Variants in AK1 observed in about 807,000 individuals in gnomAD.
The protein encoded by AK1 is adenylate kinase 1, also known as adenylate kinase isoenzyme 1.
Under a neutral mutation model 23.9 loss-of-function variants are expected in AK1, and 13 were observed. The observed-to-expected ratio is 0.54, with a 90% CI of 0.35 to 0.86. AK1 has a LOEUF of 0.86. AK1 is among the 40% of genes least tolerant of loss of function. The pLI is 0.01. For synonymous variants in AK1, 97 were observed against 102.8 expected (o/e 0.94, Z 0.34); for missense variants, 214 against 255.1 (o/e 0.84, Z 1.10).
intron 2 of AK1, chr9:127,873,424 G>A (rs1309497975): frequency 5.8e-6 from 9 of 1,564,708 alleles, no homozygotes; most frequent in Non-Finnish European, 6.9e-6. Flanking sequence ...TCTCTGCGGG[G>A]GTCACTCGAG....
At position 127,868,026 on chromosome 9, in the gene AK1, G is replaced by A. The variant is rs1320107655; in HGVS notation, c.567C>T (p.His189=). ...AGCGTTGCTACTTTAGGGCGTCCAG[G>A]TGGGTGCAGACCTGGGAGAAGACAC... ...VDSVFSQVCT[H]LDALK is the part of the protein sequence containing the mutation. Residue 189 remains histidine (H), a synonymous_variant, in exon 7 of 7, where the codon CAC becomes CAT. Coordinates refer to ENST00000644144, the MANE Select transcript of AK1 (RefSeq NM_000476.3). This position sits in a 1 kb window ranked among gnomAD's most constrained non-coding sequence, Gnocchi z 4.1. The A allele has an allele frequency of 1.2e-6, 2 of 1,614,076 alleles. No homozygotes were observed. The highest frequency in any genetic ancestry group is 1.7e-5 in the Admixed American group (1 of 60,002).
Position 127,871,747 on chromosome 9 carries a change from C to T in AK1, c.324+76G>A, listed in dbSNP as rs1829415057. On this transcript the variant is annotated intron_variant, in intron 5 of 6. Transcript: ENST00000644144. This position sits in a 1 kb window ranked among gnomAD's most constrained non-coding sequence, Gnocchi z 4.4. ...GAACTCTGACCTGCATCACAGCCCC[C>T]GCAGGCCCGCCCATGGGGATGGGAG... 8 of 1,264,050 alleles carry T rather than the reference C, an allele frequency of 6.3e-6. No individual in the cohort carries two copies. Among genetic ancestry groups the T allele is most frequent in the South Asian group, 3.6e-5 (3 of 84,116 alleles). 78.3% of individuals were successfully genotyped at this position (1,264,050 alleles called of 1,614,324 possible).
rs748786472 is a variant in AK1 at position 127,873,382 on chromosome 9, G to A, written c.8-321C>T. 2.9e-5 allele frequency: 46 copies of A among 1,577,586 alleles called. No homozygotes were observed. The highest frequency in any genetic ancestry group is 2.5e-4 in the Admixed American group (14 of 55,176). On this transcript the variant is annotated intron_variant, in intron 2 of 6. Transcript: ENST00000644144. The stretch of plus-strand genomic sequence containing the variant: ...GCCTCCCTGTGGGTGCCTGGACCCC[G>A]GGGCCGGTCACCTCTGGCTCTCAGA...
chr9:127,868,417 G>C lies in AK1; in HGVS notation c.420C>G (p.Asp140Glu). Residue 140 changes from aspartate to glutamate, a missense_variant, in exon 6 of 7, where the codon GAC becomes GAG. Physicochemically the swap from Asp to Glu is conservative, Grantham distance 45. Coordinates refer to ENST00000644144, the MANE Select transcript of AK1 (RefSeq NM_000476.3). This position sits in a 1 kb window ranked among gnomAD's most constrained non-coding sequence, Gnocchi z 4.1. ...LKRGETSGRVDDNEETIKKRL... is the reference protein window; with the variant it reads ...LKRGETSGRVEDNEETIKKRL... Reference sequence around the variant, plus strand: ...GCTTTTTGATGGTCTCCTCATTGTCGTCCACACGCCCGCTGGTCTCTCCAC... The same window carrying C: ...GCTTTTTGATGGTCTCCTCATTGTCCTCCACACGCCCGCTGGTCTCTCCAC... 6.2e-7 allele frequency: 1 copy of C among 1,612,340 alleles called. No homozygotes were observed. The highest frequency in any genetic ancestry group is 8.5e-7 in the Non-Finnish European group (1 of 1,179,362).
intron 2 of AK1, chr9:127,874,105 A>AG: frequency 1.0e-6 from 1 of 985,478 alleles, no homozygotes; most frequent in Non-Finnish European, 1.2e-6. Context: ...GCCAAGGCAC[A>AG]GTGCCAGGAA....
intron 1 of AK1, chr9:127,874,926 G>C (rs984668102): frequency 6.5e-6 from 3 of 464,158 alleles, no homozygotes; most frequent in African/African-American, 6.0e-5. Context: ...GTTCCCGCTG[G>C]AGGGGCTGGG....
chr9:127,874,748 G>A (rs927886901), intron 1 of AK1, 99 bp from the exon 2 acceptor site: 28 of 1,219,424 alleles, frequency 2.3e-5, no homozygotes, highest in Non-Finnish European at 3.2e-5. Flanking sequence ...TGCCAGGCCC[G>A]ACATGCAGTC....
Position 127,867,907 on chromosome 9 carries a change from C to T in AK1, c.*101G>A. On this transcript the variant is annotated 3_prime_UTR_variant, in exon 7 of 7. Transcript: ENST00000644144. ...GGATAAGCGGCTTCCTCCGTCTGTGCTCAGCAGGGCAGGGTGGAGGCGCTG... is the reference window on the plus strand; with the variant it reads ...GGATAAGCGGCTTCCTCCGTCTGTGTTCAGCAGGGCAGGGTGGAGGCGCTG... 1 of 1,157,708 alleles carries T rather than the reference C, an allele frequency of 8.6e-7. No homozygotes were observed. The highest frequency in any genetic ancestry group is 1.3e-6 in the Non-Finnish European group (1 of 766,424). 71.7% of individuals were successfully genotyped at this position (1,157,708 alleles called of 1,614,324 possible).
rs113762157 is a variant in AK1, at chr9:127,868,136, T to C, written c.517-60A>G. ...AGGTGGAGTGGGGTGGGCCTCACCATGGCAGGCCCCAGAGACCAGGCCTGC... is the reference window on the plus strand; with the variant it reads ...AGGTGGAGTGGGGTGGGCCTCACCACGGCAGGCCCCAGAGACCAGGCCTGC... On this transcript the variant is annotated intron_variant, in intron 6 of 6. Coordinates refer to ENST00000644144, the MANE Select transcript of AK1 (RefSeq NM_000476.3). This position sits in a 1 kb window ranked among gnomAD's most constrained non-coding sequence, Gnocchi z 4.1. 1,447 of 1,581,150 alleles carry C rather than the reference T, an allele frequency of 9.2e-4. 15 individuals carry two copies. The African/African-American group carries it at 0.016, about 18-fold the overall frequency.
chr9:127,873,324 C>A, intron 2 of AK1: 1 of 1,538,736 alleles, frequency 6.5e-7, no homozygotes. Context: ...ACTCTCCACA[C>A]AGCCAGCGGG....
chr9:127,879,158 C>T (rs1174290954), upstream of AK1, among the ~76,000 whole-genome samples: 2 of 151,834 alleles, frequency 1.3e-5, no homozygotes, highest in Non-Finnish European at 1.5e-5. Context: ...CATGTGGGCA[C>T]AAATTTGCAT....
intron 2 of AK1, 81 bp downstream of exon 2, chr9:127,874,530 A>G (rs528559761): frequency 6.2e-7 from 1 of 1,611,056 alleles, no homozygotes; most frequent in African/African-American, 1.3e-5. Flanking sequence ...CCCTCCCAGA[A>G]TGTCTCCCTG....
At chr9:127,870,842 G>GGGGCATGGGA (rs1829387404) in intron 5 of AK1, among the ~76,000 whole-genome samples, 1 of 144,068 alleles carries the variant, frequency 6.9e-6, no homozygotes, top group African/African-American at 2.6e-5. Context: ...GGGGCATGGG[G>GGGGCATGGGA]ATGGGAGTCT....
chr9:127,868,445 T>C lies in AK1; in HGVS notation c.392A>G (p.Lys131Arg), dbSNP rs1252546111. 6.2e-7 allele frequency: 1 copy of C among 1,610,414 alleles called. No individual in the cohort carries two copies. Among genetic ancestry groups the C allele is most frequent in the Non-Finnish European group, 8.5e-7 (1 of 1,178,426 alleles). ...GPETMTQRLL[K>R]RGETSGRVDD... is the part of the protein sequence containing the mutation. ...CACACGCCCGCTGGTCTCTCCACGTTTCAAGAGCCGCTGGGTCATGGTCTC... is the reference window on the plus strand; with the variant it reads ...CACACGCCCGCTGGTCTCTCCACGTCTCAAGAGCCGCTGGGTCATGGTCTC... Residue 131 changes from lysine to arginine, a missense_variant, in exon 6 of 7, where the codon AAA becomes AGA. By Grantham distance (26) the Lys-to-Arg change is conservative (BLOSUM62 2). Coordinates refer to ENST00000644144, the MANE Select transcript of AK1 (RefSeq NM_000476.3). This position sits in a 1 kb window ranked among gnomAD's most constrained non-coding sequence, Gnocchi z 4.1.
chr9:127,868,195 T>C lies in AK1; in HGVS notation c.517-119A>G. On this transcript the variant is annotated intron_variant, in intron 6 of 6. Coordinates refer to ENST00000644144, the MANE Select transcript of AK1 (RefSeq NM_000476.3). This position sits in a 1 kb window ranked among gnomAD's most constrained non-coding sequence, Gnocchi z 4.1. ...GCCCAACCTAATTGACAGCAGCCCC[T>C]CATTGAACCAGTGGGGAAACCAAGG... The C allele has an allele frequency of 6.9e-7, 1 of 1,443,504 alleles. No homozygotes were observed. The highest frequency in any genetic ancestry group is 9.6e-7 in the Non-Finnish European group (1 of 1,043,388). The allele number at this position is 1,443,504 out of a possible 1,614,324, so 89.4% of individuals were successfully genotyped here.
At chr9:127,874,745 C>T (rs536854340) in intron 1 of AK1, 96 bp from the exon 2 acceptor site, 301 of 1,249,770 alleles carry the variant, frequency 2.4e-4, no homozygotes, top group Non-Finnish European at 3.4e-4. Flanking sequence ...GTGTGCCAGG[C>T]CCGACATGCA....
chr9:127,872,350 G>T (rs574115369), intron 4 of AK1, among the ~76,000 whole-genome samples: 3 of 152,220 alleles, frequency 2.0e-5, no homozygotes, highest in African/African-American at 4.8e-5. Flanking sequence ...ATTGGGGGGG[G>T]AGGTCTTAGG....
chr9:127,870,055 CT>C, intron 5 of AK1, among the ~76,000 whole-genome samples: 1 of 152,318 alleles, frequency 6.6e-6, no homozygotes, highest in South Asian at 2.1e-4. Flanking sequence ...CTGACCCTCC[CT>C]CCTTCGGTGA....
rs1588615965 is a variant in AK1, at chr9:127,871,704, T to C, written c.324+119A>G. 1 of 827,824 alleles carries C rather than the reference T, an allele frequency of 1.2e-6. No individual in the cohort carries two copies. Among genetic ancestry groups the C allele is most frequent in the Non-Finnish European group, 2.1e-6 (1 of 480,568 alleles). 51.3% of individuals were successfully genotyped at this position (827,824 alleles called of 1,614,324 possible). On this transcript the variant is annotated intron_variant, in intron 5 of 6. Transcript: ENST00000644144. This position sits in a 1 kb window ranked among gnomAD's most constrained non-coding sequence, Gnocchi z 4.4. Reference sequence around the variant, plus strand: ...GGTTTTCCTCCTCACCCACACTCCATGAATCAGCCTCTGCTCAGAACTCTG... The same window carrying C: ...GGTTTTCCTCCTCACCCACACTCCACGAATCAGCCTCTGCTCAGAACTCTG...
Sources: gnomAD v4.1 joint callset for allele counts (sites outside exome capture counted in the v4.1 genomes callset) on GRCh38, gnomAD v4.1.1 for gene constraint, Gnocchi (gnomAD v3.1) non-coding constraint, MANE v1.5 for transcripts, NCBI Gene and HGNC (gene_info 2026-07-23, HGNC 2026-07-21) for gene names.